The following ENTREP2 variants were observed in gnomAD, a reference collection of about 807,000 sequenced individuals.
ENTREP2 encodes endosomal transmembrane epsin interactor 2.
At chr15:29,478,368 T>C in the ENTREP2 span, among the ~76,000 whole-genome samples, 1 of 152,140 alleles carries the variant, frequency 6.6e-6, no homozygotes, top group African/African-American at 2.4e-5. Flanking sequence ...AAAAATATTA[T>C]CCTTTCAATG....
chr15:29,257,684 T>C, the ENTREP2 span, among the ~76,000 whole-genome samples: 1 of 152,306 alleles, frequency 6.6e-6, no homozygotes, highest in Non-Finnish European at 1.5e-5. Flanking sequence ...GTAAGCTAAA[T>C]TAAATTTAGG....
chr15:29,287,996 A>T, the ENTREP2 span, among the ~76,000 whole-genome samples: 1 of 152,204 alleles, frequency 6.6e-6, no homozygotes, highest in Non-Finnish European at 1.5e-5. Context: ...AGCTGTGGGG[A>T]AGGGACTGTC....
the ENTREP2 span, among the ~76,000 whole-genome samples, chr15:29,179,620 G>T: frequency 7.0e-6 from 1 of 143,824 alleles, no homozygotes; most frequent in Non-Finnish European, 1.5e-5. Context: ...TCGCTCTGTT[G>T]CCCAGGCTGG....
chr15:29,626,366 A>T, the ENTREP2 span, among the ~76,000 whole-genome samples: 1 of 152,288 alleles, frequency 6.6e-6, no homozygotes, highest in South Asian at 2.1e-4. Context: ...GTAGTGAATA[A>T]GTCTCATGAG....
chr15:29,385,780 A>G, the ENTREP2 span, among the ~76,000 whole-genome samples: 127,118 of 152,086 alleles, frequency 0.84, 53,257 homozygotes, highest in African/African-American at 0.89. Flanking sequence ...AGAACGGGCA[A>G]TCCTGTTTTC....
chr15:29,475,386 A>C, the ENTREP2 span, among the ~76,000 whole-genome samples: 2 of 152,166 alleles, frequency 1.3e-5, no homozygotes. Context: ...CCCATTAAAA[A>C]ATGCTCTGTG....
the ENTREP2 span, among the ~76,000 whole-genome samples, chr15:29,361,338 C>T: frequency 2.0e-5 from 3 of 152,186 alleles, no homozygotes. Flanking sequence ...TTGAAAAGGA[C>T]ATGCTCTTCA....
At chr15:29,149,043 A>AT in the ENTREP2 span, among the ~76,000 whole-genome samples, 1 of 151,866 alleles carries the variant, frequency 6.6e-6, no homozygotes, top group Admixed American at 6.6e-5. Context: ...TGCCCGGCTA[A>AT]TTTTTGTATT....
chr15:29,616,497 G>A, the ENTREP2 span, among the ~76,000 whole-genome samples: 1 of 152,106 alleles, frequency 6.6e-6, no homozygotes, highest in Admixed American at 6.5e-5. Flanking sequence ...TTTTATGGAA[G>A]CTTTTAAATT....
the ENTREP2 span, among the ~76,000 whole-genome samples, chr15:29,520,367 T>C: frequency 6.6e-6 from 1 of 152,186 alleles, no homozygotes. Context: ...CAATTATTTA[T>C]TTAGGTGATC....
chr15:29,467,694 C>T, the ENTREP2 span, among the ~76,000 whole-genome samples: 6 of 152,178 alleles, frequency 3.9e-5, no homozygotes, highest in Non-Finnish European at 7.3e-5. Flanking sequence ...GAGGAACACA[C>T]GTTACTCTGA....
the ENTREP2 span, among the ~76,000 whole-genome samples, chr15:29,432,217 A>G: frequency 6.6e-6 from 1 of 152,116 alleles, no homozygotes; most frequent in Non-Finnish European, 1.5e-5. Flanking sequence ...TATAACCTCA[A>G]TTCCAATTTT....
the ENTREP2 span, among the ~76,000 whole-genome samples, chr15:29,488,694 T>C: frequency 6.6e-6 from 1 of 152,116 alleles, no homozygotes; most frequent in South Asian, 2.1e-4. Flanking sequence ...CTGATTCACA[T>C]ACAAGGGATC....
the ENTREP2 span, among the ~76,000 whole-genome samples, chr15:29,486,055 T>C: frequency 6.6e-6 from 1 of 152,224 alleles, no homozygotes. Flanking sequence ...GAGATATCCA[T>C]ACTCCCATGT....
chr15:29,645,004 C>T, the ENTREP2 span, among the ~76,000 whole-genome samples: 2 of 151,952 alleles, frequency 1.3e-5, no homozygotes, highest in Non-Finnish European at 2.9e-5. Flanking sequence ...ATTGCTTGAG[C>T]CCAGGAATTA....
the ENTREP2 span, among the ~76,000 whole-genome samples, chr15:29,485,831 T>C: frequency 5.9e-5 from 9 of 152,294 alleles, no homozygotes; most frequent in African/African-American, 2.2e-4. Flanking sequence ...CCCAACCCAG[T>C]TGCAATGGCT....
chr15:29,381,954 G>A, the ENTREP2 span: 1 of 861,466 alleles, frequency 1.2e-6, no homozygotes, highest in Non-Finnish European at 1.8e-6. Flanking sequence ...CACAGTGGCG[G>A]GGCTACCATG....
the ENTREP2 span, among the ~76,000 whole-genome samples, chr15:29,144,913 G>A: frequency 2.0e-4 from 31 of 152,096 alleles, no homozygotes; most frequent in Admixed American, 1.2e-3. Context: ...AAAATTAGCC[G>A]GATGTGGTGG....
the ENTREP2 span, among the ~76,000 whole-genome samples, chr15:29,185,929 G>A: frequency 2.0e-5 from 3 of 152,092 alleles, no homozygotes; most frequent in Admixed American, 1.3e-4. Flanking sequence ...CTCATTTAGA[G>A]CCCTGAAGTT....
Sources: gnomAD v4.1 joint callset for allele counts (sites outside exome capture counted in the v4.1 genomes callset) on GRCh38, gnomAD v4.1.1 for gene constraint, MANE v1.5 for transcripts, NCBI Gene and HGNC (gene_info 2026-07-23, HGNC 2026-07-21) for gene names.